Variants in DMD observed in about 807,000 individuals in gnomAD.
DMD encodes dystrophin.
In DMD, 63 loss-of-function variants were observed where a neutral mutation model predicts 330.1. That is an observed-to-expected ratio of 0.19 (90% CI 0.16 to 0.24). The LOEUF is 0.24. Ranked by LOEUF, DMD falls within the 10% of genes least tolerant of loss-of-function variation. The probability of loss-of-function intolerance (pLI) is 1.00; values close to 1 mark genes in which losing one functional copy is unlikely to be tolerated. For synonymous variants in DMD, 1,223 were observed against 959.8 expected (o/e 1.27, Z -5.07); for missense variants, 3,344 against 2,684.1 (o/e 1.25, Z -5.43).
intron 1 of DMD, among the ~76,000 whole-genome samples, chrX:33,060,777 C>A (rs2094573137): frequency 9.6e-6 from 1 of 103,666 alleles, no homozygotes; most frequent in Non-Finnish European, 1.9e-5. Context: ...GCAGAGGTTG[C>A]AGTGAGCCAA....
rs767578326 is a variant in DMD, at chrX:31,315,335, A to G, written c.9224+8263T>C. ...CAATCCAGTTTCAGAGGAGAAAAGGAAAGCCAATTAACATTTCTTAAGCAA... is the reference window on the plus strand; with the variant it reads ...CAATCCAGTTTCAGAGGAGAAAAGGGAAGCCAATTAACATTTCTTAAGCAA... On this transcript the variant is annotated intron_variant, in intron 62 of 78. Coordinates refer to ENST00000357033, the MANE Select transcript of DMD (RefSeq NM_004006.3). 1.9e-3 allele frequency among the ~76,000 whole-genome samples: 210 copies of G among 112,305 alleles called. 1 individual carries two copies. Among genetic ancestry groups the G allele is most frequent in the African/African-American group, 6.5e-3 (200 of 30,942 alleles).
chrX:33,020,066 T>C, intron 2 of DMD, 73 bp downstream of exon 2: 23 of 811,733 alleles, frequency 2.8e-5, no homozygotes, highest in Non-Finnish European at 4.1e-5. Context: ...ATTTTTAAGA[T>C]ACACAGGTAC....
intron 2 of DMD, among the ~76,000 whole-genome samples, chrX:32,863,627 T>G (rs1010844124): frequency 1.9e-5 from 2 of 107,588 alleles, no homozygotes; most frequent in African/African-American, 7.0e-5. Context: ...CAAACATCTA[T>G]GAGTACTCAG....
intron 13 of DMD, among the ~76,000 whole-genome samples, chrX:32,591,427 G>A (rs2054895804): frequency 1.8e-5 from 2 of 111,904 alleles, no homozygotes; most frequent in African/African-American, 6.5e-5. Context: ...GCTTAACCAT[G>A]TTTCTCCTTC....
chrX:31,614,478 T>C (rs2078092271), intron 55 of DMD, among the ~76,000 whole-genome samples: 2 of 112,294 alleles, frequency 1.8e-5, no homozygotes, highest in African/African-American at 3.2e-5. Context: ...AATGCTAATA[T>C]TGAATAGTCA....
intron 62 of DMD, among the ~76,000 whole-genome samples, chrX:31,291,783 C>G: frequency 9.0e-6 from 1 of 110,936 alleles, no homozygotes; most frequent in Middle Eastern, 4.7e-3. Flanking sequence ...AATCCACATA[C>G]CAAACCTTGA....
At chrX:31,339,820 C>T (rs774695343) in intron 61 of DMD, among the ~76,000 whole-genome samples, 1 of 112,312 alleles carries the variant, frequency 8.9e-6, no homozygotes, top group Admixed American at 9.4e-5. Flanking sequence ...GGTGATCTGC[C>T]CGCCTCGGCC....
At chrX:32,913,780 C>A (rs1324813102) in intron 2 of DMD, among the ~76,000 whole-genome samples, 1 of 111,948 alleles carries the variant, frequency 8.9e-6, no homozygotes, top group African/African-American at 3.2e-5. Context: ...AGGAGGGGAC[C>A]TGATGTCCCT....
chrX:31,603,028 G>A (rs772051834), intron 55 of DMD, among the ~76,000 whole-genome samples: 3 of 111,600 alleles, frequency 2.7e-5, no homozygotes, highest in African/African-American at 9.7e-5. Context: ...AAACAAATGT[G>A]ACAAGAGGAG....
At chrX:32,223,647 G>C (rs1045072108) in intron 43 of DMD, among the ~76,000 whole-genome samples, 1 of 111,544 alleles carries the variant, frequency 9.0e-6, no homozygotes, top group Non-Finnish European at 1.9e-5. Flanking sequence ...AGAAGCAGTA[G>C]TGTAATTTTA....
At chrX:31,766,918 CT>C (rs2090038501) in intron 51 of DMD, among the ~76,000 whole-genome samples, 1 of 86,106 alleles carries the variant, frequency 1.2e-5, no homozygotes, top group Admixed American at 1.3e-4. Flanking sequence ...ACTCTATGAC[CT>C]TTTTATTTAA....
chrX:31,856,809 C>T (rs1428806127), intron 48 of DMD, among the ~76,000 whole-genome samples: 6 of 111,805 alleles, frequency 5.4e-5, no homozygotes, highest in African/African-American at 1.3e-4. Flanking sequence ...TACCAGAAGA[C>T]GTATTGTAAT....
At chrX:31,775,553 A>G (rs1434739311) in intron 50 of DMD, among the ~76,000 whole-genome samples, 1 of 111,623 alleles carries the variant, frequency 9.0e-6, no homozygotes, top group Admixed American at 9.5e-5. Context: ...ACTCAAGAGC[A>G]TAATATAACC....
chrX:32,749,486 A>G (rs2070511872), intron 7 of DMD, among the ~76,000 whole-genome samples: 3 of 112,399 alleles, frequency 2.7e-5, no homozygotes, highest in African/African-American at 9.7e-5. Flanking sequence ...TCAACATTCA[A>G]TTGCTCACAA....
At chrX:32,507,818 A>G (rs1022553051) in intron 18 of DMD, among the ~76,000 whole-genome samples, 3 of 111,461 alleles carry the variant, frequency 2.7e-5, no homozygotes, top group Non-Finnish European at 5.7e-5. Flanking sequence ...ATTGTTGTAT[A>G]CCATTTTATA....
At chrX:32,830,285 TTC>T (rs777368014) in intron 4 of DMD, among the ~76,000 whole-genome samples, 3 of 111,646 alleles carry the variant, frequency 2.7e-5, no homozygotes, top group Non-Finnish European at 5.7e-5. Flanking sequence ...ATACAGTAAC[TTC>T]TCTTTTATGT....
chrX:32,591,501 C>T (rs188227124), intron 13 of DMD, among the ~76,000 whole-genome samples: 1 of 111,874 alleles, frequency 8.9e-6, no homozygotes, highest in Non-Finnish European at 1.9e-5. Flanking sequence ...TTTTTATAGT[C>T]TTTTTTCATG....
intron 9 of DMD, among the ~76,000 whole-genome samples, chrX:32,686,559 C>CAAAAAAAAA (rs750534167): frequency 3.2e-4 from 9 of 28,552 alleles, no homozygotes; most frequent in African/African-American, 9.4e-4. Context: ...AACTCCATCT[C>CAAAAAAAAA]AAAAAAAAAA....
At position 31,314,742 on chromosome X, in the gene DMD, C is replaced by CAGAGAGAGAGAGAGAGAGAGAAAG. The variant is rs1556488351; in HGVS notation, c.9224+8855_9224+8856insCTTTCTCTCTCTCTCTCTCTCTCT. 3.9e-3 allele frequency among the ~76,000 whole-genome samples: 213 copies of CAGAGAGAGAGAGAGAGAGAGAAAG among 55,262 alleles called. 3 individuals are homozygous for CAGAGAGAGAGAGAGAGAGAGAAAG. The highest frequency in any genetic ancestry group is 0.017 in the African/African-American group (201 of 11,778). The allele number at this position is 55,262 out of a possible 115,157, so 48.0% of individuals were successfully genotyped here. A position where few individuals can be genotyped will look rare whatever the true frequency, so the allele number is the denominator to read the frequency against. On this transcript the variant is annotated intron_variant, in intron 62 of 78. Coordinates refer to ENST00000357033, the MANE Select transcript of DMD (RefSeq NM_004006.3). ...ATTTCTTTAAAAAAGAATACATACA[C>CAGAGAGAGAGAGAGAGAGAGAAAG]AGAGAGAGAGAGAGAGAGAGAGAGA...
Sources: gnomAD v4.1 joint callset for allele counts (sites outside exome capture counted in the v4.1 genomes callset) on GRCh38, gnomAD v4.1.1 for gene constraint, MANE v1.5 for transcripts, NCBI Gene and HGNC (gene_info 2026-07-23, HGNC 2026-07-21) for gene names.